The following HPSE2 variants were observed in gnomAD, a reference collection of about 807,000 sequenced individuals.
The protein encoded by HPSE2 is heparanase 2 (inactive), also known as inactive heparanase-2.
Under a neutral mutation model 60.5 loss-of-function variants are expected in HPSE2, and 38 were observed. That is an observed-to-expected ratio of 0.63 (90% confidence interval 0.48 to 0.82). The LOEUF is 0.82. Among genes scored for constraint, HPSE2 ranks in the 40% least tolerant of loss-of-function variants. HPSE2 has a pLI of 0.00. For synonymous variants in HPSE2, 295 were observed against 293.2 expected (o/e 1.01, Z -0.06); for missense variants, 713 against 740.4 (o/e 0.96, Z 0.43).
intron 3 of HPSE2, among the ~76,000 whole-genome samples, chr10:99,136,068 T>TC (rs1168893166): frequency 2.6e-5 from 4 of 151,924 alleles, no homozygotes; most frequent in Non-Finnish European, 1.5e-5. Context: ...TCACCACCGA[T>TC]CCCACAGAAA....
intron 2 of HPSE2, among the ~76,000 whole-genome samples, chr10:99,178,194 T>A (rs937617343): frequency 6.6e-6 from 1 of 151,096 alleles, no homozygotes; most frequent in African/African-American, 2.4e-5. Flanking sequence ...CACTGTAACA[T>A]CACAATTAAA....
intron 3 of HPSE2, among the ~76,000 whole-genome samples, chr10:98,999,472 T>C (rs970667109): frequency 2.0e-5 from 3 of 152,164 alleles, no homozygotes; most frequent in African/African-American, 7.2e-5. Flanking sequence ...AAGTGATTTA[T>C]CCAAAGTCAT....
At chr10:99,101,265 A>G (rs980639988) in intron 3 of HPSE2, among the ~76,000 whole-genome samples, 1 of 152,222 alleles carries the variant, frequency 6.6e-6, no homozygotes, top group African/African-American at 2.4e-5. Context: ...AAAGACACAC[A>G]TAGGCTCAAA....
intron 3 of HPSE2, among the ~76,000 whole-genome samples, chr10:99,123,023 CA>C (rs1244162667): frequency 6.6e-6 from 1 of 151,724 alleles, no homozygotes; most frequent in Admixed American, 6.6e-5. Flanking sequence ...AATACAGTGG[CA>C]AAAAATGTTT....
At chr10:98,976,736 G>GAAA (rs63223461) in intron 3 of HPSE2, among the ~76,000 whole-genome samples, 16 of 137,998 alleles carry the variant, frequency 1.2e-4, no homozygotes, top group African/African-American at 3.7e-4. Context: ...CGTGGTAAGC[G>GAAA]AAAAAAAAAA....
chr10:98,806,676 T>A (rs1367938730), intron 3 of HPSE2, among the ~76,000 whole-genome samples: 1 of 152,228 alleles, frequency 6.6e-6, no homozygotes, highest in East Asian at 1.9e-4. Context: ...CTTAGTTAAA[T>A]GGATATAATA....
intron 3 of HPSE2, among the ~76,000 whole-genome samples, chr10:99,026,248 C>T (rs1402940338): frequency 6.6e-6 from 1 of 151,988 alleles, no homozygotes; most frequent in Non-Finnish European, 1.5e-5. Context: ...CACCTATGAA[C>T]ACACAAATTG....
chr10:98,706,766 G>T (rs1948557914), intron 5 of HPSE2, among the ~76,000 whole-genome samples: 1 of 152,176 alleles, frequency 6.6e-6, no homozygotes, highest in Non-Finnish European at 1.5e-5. Flanking sequence ...CAGGGAACAA[G>T]TAAGGGAATG....
intron 3 of HPSE2, among the ~76,000 whole-genome samples, chr10:98,950,703 T>C (rs1195776181): frequency 6.6e-6 from 1 of 152,216 alleles, no homozygotes; most frequent in Admixed American, 6.5e-5. Context: ...CAGCACCTTT[T>C]ACTTCAGTGC....
At position 99,065,479 on chromosome 10, in the gene HPSE2, C is replaced by G. The variant is rs564795617; in HGVS notation, c.610+78759G>C. Reference sequence around the variant, plus strand: ...GCTATAACTGCTAAATTTTAAAAATCAATTATTTTTATTCAACATGAAGCC... The same window carrying G: ...GCTATAACTGCTAAATTTTAAAAATGAATTATTTTTATTCAACATGAAGCC... On this transcript the variant is annotated intron_variant, in intron 3 of 11. Coordinates refer to ENST00000370552, the MANE Select transcript of HPSE2 (RefSeq NM_021828.5). Among the ~76,000 whole-genome samples the G allele has an allele frequency of 2.0e-5, 3 of 152,060 alleles. No homozygotes were observed. In the East Asian group the frequency reaches 5.8e-4, roughly 29 times the overall value.
chr10:98,734,060 C>G (rs893394590), intron 4 of HPSE2, among the ~76,000 whole-genome samples: 6 of 152,152 alleles, frequency 3.9e-5, no homozygotes, highest in Non-Finnish European at 7.3e-5. Flanking sequence ...CTTTCCGTCT[C>G]TGTAGATTTG....
At chr10:98,685,684 C>T (rs556021864) in intron 6 of HPSE2, among the ~76,000 whole-genome samples, 3 of 152,168 alleles carry the variant, frequency 2.0e-5, no homozygotes, top group South Asian at 2.1e-4. Context: ...AAATTTTTGC[C>T]TATTAAGAAT....
intron 3 of HPSE2, among the ~76,000 whole-genome samples, chr10:99,005,669 T>C (rs528366688): frequency 6.0e-4 from 92 of 152,266 alleles, no homozygotes; most frequent in African/African-American, 2.1e-3. Flanking sequence ...TCTTTGAGGG[T>C]TAGCTACTGG....
intron 9 of HPSE2, among the ~76,000 whole-genome samples, chr10:98,570,984 G>A (rs1029796004): frequency 1.3e-5 from 2 of 152,108 alleles, no homozygotes; most frequent in Admixed American, 1.3e-4. Context: ...TTGTGGTCTC[G>A]CTGAGGGCAG....
intron 5 of HPSE2, among the ~76,000 whole-genome samples, chr10:98,709,341 C>T (rs1308749118): frequency 6.6e-6 from 1 of 152,158 alleles, no homozygotes; most frequent in African/African-American, 2.4e-5. Context: ...CCATTCTAAT[C>T]CCTAGATTTA....
intron 11 of HPSE2, among the ~76,000 whole-genome samples, chr10:98,465,424 C>A (rs2133589053): frequency 6.6e-6 from 1 of 152,318 alleles, no homozygotes; most frequent in South Asian, 2.1e-4. Flanking sequence ...CTGAGATTTG[C>A]ACTGACGCCC....
intron 3 of HPSE2, among the ~76,000 whole-genome samples, chr10:98,799,653 A>G (rs1216412368): frequency 6.6e-6 from 1 of 152,192 alleles, no homozygotes; most frequent in East Asian, 1.9e-4. Context: ...ATACAAACAC[A>G]TGGAAATTAA....
chr10:99,235,999 C>CTTTTTTTTTTTT, upstream of HPSE2: 1 of 350,882 alleles, frequency 2.8e-6, no homozygotes, highest in South Asian at 5.3e-5. Flanking sequence ...TTGTTTTTTT[C>CTTTTTTTTTTTT]TTTTTTTTTT....
intron 3 of HPSE2, among the ~76,000 whole-genome samples, chr10:98,895,481 G>C (rs1384817665): frequency 1.3e-5 from 2 of 152,032 alleles, no homozygotes; most frequent in African/African-American, 4.8e-5. Flanking sequence ...TCTGTGTAAA[G>C]GTAATCACAT....
Sources: gnomAD v4.1 joint callset for allele counts (sites outside exome capture counted in the v4.1 genomes callset) on GRCh38, gnomAD v4.1.1 for gene constraint, MANE v1.5 for transcripts, NCBI Gene and HGNC (gene_info 2026-07-23, HGNC 2026-07-21) for gene names.